Variants in PRMT8 observed in about 807,000 individuals in gnomAD.
PRMT8 encodes protein arginine N-methyltransferase 8.
Under a neutral mutation model 47.1 loss-of-function variants are expected in PRMT8, and 7 were observed. The ratio of observed to expected loss-of-function variants is 0.15; its 90% CI spans 0.08 to 0.28. The LOEUF is 0.28. Among genes scored for constraint, PRMT8 ranks in the 10% least tolerant of loss-of-function variants. The pLI is 1.00. For missense variants in PRMT8, 237 were observed against 505.4 expected (o/e 0.47, Z 5.09); for synonymous variants, 188 against 186.5 (o/e 1.01, Z -0.07).
chr12:3,474,357 A>G (rs116194384), intron 1 of PRMT8, among the ~76,000 whole-genome samples: 2,784 of 152,208 alleles, frequency 0.018, 89 homozygotes, highest in African/African-American at 0.064. Context: ...CACGAGTGTA[A>G]AGAGGATAAA....
chr12:3,567,946 G>GCA (rs1866753694), intron 4 of PRMT8, among the ~76,000 whole-genome samples: 1 of 152,092 alleles, frequency 6.6e-6, no homozygotes, highest in East Asian at 1.9e-4. Flanking sequence ...GGTGGCACAT[G>GCA]CCTGTAATCC....
Position 3,423,796 on chromosome 12 carries a change from G to A in PRMT8, c.48+42354G>A, listed in dbSNP as rs138490123. 6.0e-3 allele frequency among the ~76,000 whole-genome samples: 907 copies of A among 152,316 alleles called. 15 individuals carry two copies. Among genetic ancestry groups the A allele is most frequent in the African/African-American group, 0.021 (874 of 41,556 alleles). On this transcript the variant is annotated intron_variant, in intron 1 of 9. Transcript: ENST00000452611. ...TGAACTCCACCAAGTGACTGTTTTT[G>A]TGGTACCATTATACGGTTTCTGTCC... is the stretch of plus-strand genomic sequence containing the variant.
intron 1 of PRMT8, among the ~76,000 whole-genome samples, chr12:3,415,263 G>A (rs1015816133): frequency 6.6e-6 from 1 of 152,138 alleles, no homozygotes; most frequent in African/African-American, 2.4e-5. Flanking sequence ...TTTCCTGGGT[G>A]CCACTCTCCA....
upstream of PRMT8, among the ~76,000 whole-genome samples, chr12:3,490,675 A>AGAGAGAGAG (rs1865374699): frequency 3.3e-5 from 4 of 121,158 alleles, no homozygotes; most frequent in East Asian, 2.5e-4. Context: ...TTTGGGTACA[A>AGAGAGAGAG]AGAGAGAGAG....
chr12:3,473,971 A>T (rs149881713), intron 1 of PRMT8, among the ~76,000 whole-genome samples: 1 of 151,634 alleles, frequency 6.6e-6, no homozygotes, highest in African/African-American at 2.4e-5. Flanking sequence ...TCCACTCCAG[A>T]CCCTGCCATT....
Position 3,493,302 on chromosome 12 carries a change from C to T in PRMT8, c.75+1602C>T, listed in dbSNP as rs1481193972. On this transcript the variant is annotated intron_variant, in intron 1 of 9. Transcript: ENST00000382622. This position sits in a 1 kb window ranked among gnomAD's most constrained non-coding sequence, Gnocchi z 8.2. ...GCCTCCCAGCAGAAAGCCATCCTTA[C>T]CATTCCCCTCACCCTCCGCCCTCTG... Among the ~76,000 whole-genome samples, 1 of 152,152 alleles carries T rather than the reference C, an allele frequency of 6.6e-6. No individual in the cohort carries two copies. Among genetic ancestry groups the T allele is most frequent in the Non-Finnish European group, 1.5e-5 (1 of 68,026 alleles).
At chr12:3,510,301 ATGAAC>A (rs1421034811) in intron 1 of PRMT8, among the ~76,000 whole-genome samples, 1 of 152,158 alleles carries the variant, frequency 6.6e-6, no homozygotes, top group Non-Finnish European at 1.5e-5. Flanking sequence ...CGACACAACC[ATGAAC>A]TTTTCTCTTT....
chr12:3,452,304 G>A (rs963941317), intron 1 of PRMT8, among the ~76,000 whole-genome samples: 2 of 135,598 alleles, frequency 1.5e-5, no homozygotes, highest in Non-Finnish European at 3.1e-5. Context: ...ATGTGCCCCT[G>A]AACCTAAATT....
intron 1 of PRMT8, among the ~76,000 whole-genome samples, chr12:3,443,606 T>C (rs1302108698): frequency 6.6e-6 from 1 of 152,136 alleles, no homozygotes; most frequent in East Asian, 1.9e-4. Flanking sequence ...TCCTACTCAG[T>C]CTTCATGCCT....
intron 1 of PRMT8, among the ~76,000 whole-genome samples, chr12:3,531,777 A>G (rs1178993161): frequency 6.6e-6 from 1 of 152,128 alleles, no homozygotes; most frequent in Non-Finnish European, 1.5e-5. Flanking sequence ...GCCCACACCC[A>G]ATCCCAGCCC....
chr12:3,415,011 C>G (rs571093223), intron 1 of PRMT8, among the ~76,000 whole-genome samples: 1 of 152,064 alleles, frequency 6.6e-6, no homozygotes, highest in African/African-American at 2.4e-5. Flanking sequence ...TGGGGTTTAG[C>G]CAGCCCCCAT....
intron 1 of PRMT8, among the ~76,000 whole-genome samples, chr12:3,478,374 C>G (rs1207278559): frequency 6.6e-6 from 1 of 152,200 alleles, no homozygotes; most frequent in African/African-American, 2.4e-5. Flanking sequence ...GTGGTCCACC[C>G]TGCCAGGCCA....
At chr12:3,414,948 C>A (rs1421196540) in intron 1 of PRMT8, among the ~76,000 whole-genome samples, 1 of 151,984 alleles carries the variant, frequency 6.6e-6, no homozygotes, top group East Asian at 1.9e-4. Context: ...AACATTTGGG[C>A]AGAAAAACCA....
At chr12:3,512,089 C>A (rs1865722621) in intron 1 of PRMT8, among the ~76,000 whole-genome samples, 1 of 152,124 alleles carries the variant, frequency 6.6e-6, no homozygotes, top group Non-Finnish European at 1.5e-5. Context: ...TGACAGTGGC[C>A]TTGGAGACCC....
intron 4 of PRMT8, 36 bp downstream of exon 4, chr12:3,553,750 A>G: frequency 1.3e-6 from 2 of 1,522,930 alleles, no homozygotes; most frequent in Non-Finnish European, 1.8e-6. Flanking sequence ...TCCTGGATGG[A>G]GGGGACGGGA....
intron 8 of PRMT8, among the ~76,000 whole-genome samples, chr12:3,588,316 C>T (rs1183663266): frequency 6.6e-6 from 1 of 152,184 alleles, no homozygotes; most frequent in Admixed American, 6.5e-5. Context: ...TCCAAACTTA[C>T]AGCTAGAAAA....
chr12:3,559,877 G>A (rs1866601898), intron 4 of PRMT8, among the ~76,000 whole-genome samples: 1 of 152,142 alleles, frequency 6.6e-6, no homozygotes, highest in South Asian at 2.1e-4. Context: ...CCACCTCATG[G>A]CTTTAGCATG....
At chr12:3,488,214 A>C (rs908815529), upstream of PRMT8, among the ~76,000 whole-genome samples, 8 of 152,242 alleles carry the variant, frequency 5.3e-5, no homozygotes, top group Admixed American at 6.5e-5. Flanking sequence ...AATCTCTGGC[A>C]TATAGTAAGT....
In PRMT8 at chr12:3,532,085, G is replaced by A. The variant is rs565936255; in HGVS notation, c.76-8521G>A. Among the ~76,000 whole-genome samples the A allele has an allele frequency of 2.0e-5, 3 of 152,150 alleles. No homozygotes were observed. The East Asian group carries it at 5.8e-4, about 29-fold the overall frequency. On this transcript the variant is annotated intron_variant, in intron 1 of 9. Transcript: ENST00000382622. Reference sequence around the variant, plus strand: ...GGTGGGCTGGAGATCCACCAGCGACGGCCGACATGGATTATAAAACAGAAA... The same window carrying A: ...GGTGGGCTGGAGATCCACCAGCGACAGCCGACATGGATTATAAAACAGAAA...
Sources: gnomAD v4.1 joint callset for allele counts (sites outside exome capture counted in the v4.1 genomes callset) on GRCh38, gnomAD v4.1.1 for gene constraint, Gnocchi (gnomAD v3.1) non-coding constraint, MANE v1.5 for transcripts, NCBI Gene and HGNC (gene_info 2026-07-23, HGNC 2026-07-21) for gene names.